The following TBC1D14 variants were observed in gnomAD, a reference collection of about 807,000 sequenced individuals.
TBC1D14 encodes TBC1 domain family, member 14.
Under a neutral mutation model 79.0 loss-of-function variants are expected in TBC1D14, and 26 were observed. That is an observed-to-expected ratio of 0.33 (90% CI 0.24 to 0.46). TBC1D14 has a LOEUF of 0.46. Ranked by LOEUF, TBC1D14 falls within the 20% of genes least tolerant of loss-of-function variation. The pLI is 1.00. For synonymous variants in TBC1D14, 394 were observed against 349.9 expected (o/e 1.13, Z -1.40); for missense variants, 769 against 887.6 (o/e 0.87, Z 1.70).
chr4:7,001,793 G>T (rs954326546), intron 7 of TBC1D14, among the ~76,000 whole-genome samples: 3 of 152,190 alleles, frequency 2.0e-5, no homozygotes, highest in East Asian at 1.9e-4. Context: ...CCCTCAGGCT[G>T]AATTCACTTC....
At chr4:6,910,584 G>A (rs1388959273) in intron 1 of TBC1D14, 1 of 152,304 alleles carries the variant, frequency 6.6e-6, no homozygotes, top group African/African-American at 2.4e-5. Flanking sequence ...CTCGGGGCCG[G>A]GGTAGCTGCC....
chr4:6,966,606 G>C (rs997868912), intron 2 of TBC1D14, among the ~76,000 whole-genome samples: 1 of 152,210 alleles, frequency 6.6e-6, no homozygotes, highest in Non-Finnish European at 1.5e-5. Context: ...ACATGGGGCA[G>C]TGTGCCCTTG....
Position 7,009,729 on chromosome 4 carries a change from C to T in TBC1D14, c.1447-148C>T, listed in dbSNP as rs1270389911. On this transcript the variant is annotated intron_variant, in intron 9 of 13. Coordinates refer to ENST00000409757, the MANE Select transcript of TBC1D14 (RefSeq NM_020773.3). ...TGGGTAATTTGTTAAATTCCATATG[C>T]ATATAGAGCTGCTGGCATCATGCTT... 2.3e-5 allele frequency: 18 copies of T among 774,174 alleles called. No individual in the cohort carries two copies. In the Admixed American group the frequency reaches 3.4e-4, roughly 15 times the overall value. 48.0% of individuals were successfully genotyped at this position (774,174 alleles called of 1,614,324 possible). A position where few individuals can be genotyped will look rare whatever the true frequency, so the allele number is the denominator to read the frequency against.
At chr4:6,971,887 G>T (rs957256890) in intron 3 of TBC1D14, among the ~76,000 whole-genome samples, 1 of 152,236 alleles carries the variant, frequency 6.6e-6, no homozygotes, top group African/African-American at 2.4e-5. Flanking sequence ...GCCACAGCAG[G>T]TTAAATAAAG....
At chr4:6,947,341 C>G (rs1713574505) in intron 2 of TBC1D14, among the ~76,000 whole-genome samples, 1 of 152,058 alleles carries the variant, frequency 6.6e-6, no homozygotes, top group Non-Finnish European at 1.5e-5. Context: ...ACTAAAAATA[C>G]AAAAAAATTA....
intron 11 of TBC1D14, among the ~76,000 whole-genome samples, chr4:7,012,680 T>G (rs1289366132): frequency 6.6e-6 from 1 of 152,280 alleles, no homozygotes; most frequent in African/African-American, 2.4e-5. Context: ...TAGTGACTGT[T>G]GTATTTAACA....
chr4:7,029,232 T>G (rs1722791389), intron 13 of TBC1D14, among the ~76,000 whole-genome samples: 1 of 152,242 alleles, frequency 6.6e-6, no homozygotes, highest in Non-Finnish European at 1.5e-5. Context: ...ATTATTCCTT[T>G]TCTGCACCTT....
intron 3 of TBC1D14, among the ~76,000 whole-genome samples, chr4:6,988,647 C>A (rs56074877): frequency 5.3e-5 from 8 of 152,180 alleles, no homozygotes; most frequent in South Asian, 2.1e-4. Context: ...AATCTTGATA[C>A]TGCAGACAGC....
chr4:6,988,068 C>T (rs1560312909), intron 3 of TBC1D14, among the ~76,000 whole-genome samples: 1 of 152,224 alleles, frequency 6.6e-6, no homozygotes, highest in Non-Finnish European at 1.5e-5. Context: ...TTAGCCGGGG[C>T]TGCCTTTTGG....
At chr4:6,914,236 C>A (rs907408959) in intron 1 of TBC1D14, among the ~76,000 whole-genome samples, 25 of 152,076 alleles carry the variant, frequency 1.6e-4, no homozygotes, top group Non-Finnish European at 2.5e-4. Flanking sequence ...CTTTGAGGAC[C>A]CTGAACAATA....
At chr4:7,007,728 C>T (rs1004740673) in intron 9 of TBC1D14, 18 of 640,460 alleles carry the variant, frequency 2.8e-5, no homozygotes, top group Non-Finnish European at 4.2e-5. Context: ...CAGATTTCAG[C>T]TTCTCTGCCC....
chr4:6,914,305 A>G (rs999880267), intron 1 of TBC1D14, among the ~76,000 whole-genome samples: 7 of 152,280 alleles, frequency 4.6e-5, no homozygotes, highest in East Asian at 1.9e-4. Flanking sequence ...CTTAAACAGC[A>G]TTGTGTTAAG....
intron 2 of TBC1D14, among the ~76,000 whole-genome samples, chr4:6,955,610 C>T (rs1156508644): frequency 6.6e-6 from 1 of 152,188 alleles, no homozygotes; most frequent in Non-Finnish European, 1.5e-5. Flanking sequence ...CGGAAGTTGC[C>T]AGCAGTTTCT....
intron 12 of TBC1D14, among the ~76,000 whole-genome samples, chr4:7,017,039 G>A (rs1428235530): frequency 1.3e-5 from 2 of 152,178 alleles, no homozygotes; most frequent in African/African-American, 4.8e-5. Context: ...ACTAGCTCAC[G>A]CCTGTAATCC....
intron 3 of TBC1D14, chr4:6,987,220 C>T: frequency 8.0e-7 from 1 of 1,243,138 alleles, no homozygotes; most frequent in South Asian, 3.2e-5. Flanking sequence ...CCCCGCCCCG[C>T]CCCGCGAGTC....
At chr4:6,936,029 T>G (rs1712290972) in intron 2 of TBC1D14, among the ~76,000 whole-genome samples, 1 of 152,236 alleles carries the variant, frequency 6.6e-6, no homozygotes, top group Non-Finnish European at 1.5e-5. Context: ...ACAGCAAAAT[T>G]AAGCAGAAAG....
chr4:7,017,661 A>C (rs1721416767), intron 12 of TBC1D14, among the ~76,000 whole-genome samples: 3 of 152,204 alleles, frequency 2.0e-5, no homozygotes, highest in Admixed American at 2.0e-4. Context: ...AATGCTGTCC[A>C]CTGTGCTTTG....
At chr4:7,027,989 T>G (rs558375050) in intron 13 of TBC1D14, among the ~76,000 whole-genome samples, 1 of 69,060 alleles carries the variant, frequency 1.4e-5, no homozygotes, top group Admixed American at 2.2e-4. Flanking sequence ...CACACATAGA[T>G]CACCACTTAC....
chr4:6,925,692 C>G (rs1417583094), intron 2 of TBC1D14, among the ~76,000 whole-genome samples: 3 of 152,162 alleles, frequency 2.0e-5, no homozygotes, highest in Non-Finnish European at 4.4e-5. Flanking sequence ...AGCGATTGCC[C>G]TCAGTGGGAG....
Sources: allele counts gnomAD v4.1 joint callset (sites outside exome capture counted in the v4.1 genomes callset), GRCh38; gene constraint gnomAD v4.1.1; transcripts MANE v1.5; gene names NCBI Gene and HGNC (gene_info 2026-07-23, HGNC 2026-07-21).